The following TNPO2 variants were observed in gnomAD, a reference collection of about 807,000 sequenced individuals.
The protein encoded by TNPO2 is transportin-2.
Under a neutral mutation model 111.1 loss-of-function variants are expected in TNPO2, and 16 were observed. The ratio of observed to expected loss-of-function variants is 0.14; its 90% CI spans 0.10 to 0.22. The LOEUF is 0.22. Ranked by LOEUF, TNPO2 falls within the 10% of genes least tolerant of loss-of-function variation. The pLI is 1.00. For missense variants in TNPO2, 530 were observed against 1,173.7 expected (o/e 0.45, Z 8.01); for synonymous variants, 481 against 475.8 (o/e 1.01, Z -0.14).
chr19:12,723,012 G>A (rs1340593137), intron 2 of TNPO2, among the ~76,000 whole-genome samples: 1 of 152,178 alleles, frequency 6.6e-6, no homozygotes, highest in African/African-American at 2.4e-5. Context: ...GTGTGCGCAA[G>A]GAAAGAGCTG....
chr19:12,700,442 G>C lies in TNPO2; in HGVS notation c.*822C>G. On this transcript the variant is annotated 3_prime_UTR_variant, in exon 26 of 26. Coordinates refer to ENST00000425528, the MANE Select transcript of TNPO2 (RefSeq NM_001382241.1). Reference sequence around the variant, plus strand: ...AAGCCACTGGAGCACACAGGAAGGAGAAACGGTGACCTCTGGCCAGCCCCA... The same window carrying C: ...AAGCCACTGGAGCACACAGGAAGGACAAACGGTGACCTCTGGCCAGCCCCA... The C allele has an allele frequency of 6.6e-6, 1 of 152,430 alleles. No homozygotes were observed. The highest frequency in any genetic ancestry group is 2.4e-5 in the African/African-American group (1 of 41,562). The allele number at this position is 152,430 out of a possible 1,614,324, so 9.4% of individuals were successfully genotyped here. A position where few individuals can be genotyped will look rare whatever the true frequency, so the allele number is the denominator to read the frequency against.
chr19:12,710,846 T>C (rs1054007388), intron 12 of TNPO2, 73 bp from the exon 13 acceptor site: 7 of 1,377,662 alleles, frequency 5.1e-6, no homozygotes, highest in African/African-American at 1.5e-5. Flanking sequence ...TTGACTGCAC[T>C]CCCAGGATCA....
Position 12,702,208 on chromosome 19 carries a change from G to T in TNPO2, c.2306-31C>A. ...ACCCCGAGCGGCCCCGGGACGGTAC[G>T]TGGCGGGGCCTCTGGCACAAGGCAC... On this transcript the variant is annotated intron_variant, in intron 21 of 25. Transcript: ENST00000425528. The surrounding 1 kb of genome is among the most constrained non-coding windows in gnomAD (Gnocchi z 5.5). 6.3e-7 allele frequency: 1 copy of T among 1,586,250 alleles called. No individual in the cohort carries two copies. Among genetic ancestry groups the T allele is most frequent in the Non-Finnish European group, 8.6e-7 (1 of 1,161,192 alleles).
At chr19:12,720,340 A>G (rs1471846752) in intron 3 of TNPO2, among the ~76,000 whole-genome samples, 1 of 152,066 alleles carries the variant, frequency 6.6e-6, no homozygotes, top group Admixed American at 6.6e-5. Context: ...TCTTTGAGAC[A>G]GGGTCTGGCT....
At chr19:12,722,345 ACCGGCTTC>A in intron 2 of TNPO2, 1 of 150,002 alleles carries the variant, frequency 6.7e-6, no homozygotes, top group Non-Finnish European at 1.5e-5. Context: ...ATCGGGCCCA[ACCGGCTTC>A]CCGGCCTTTC....
Position 12,702,810 on chromosome 19 carries a change from GC to G in TNPO2, c.2305+12del. ...AGGCAGGGGTGCAGGCAGCAGCCGGGCCAGGTGCCCACCTGTGTTTTCCAGC... is the reference window on the plus strand; with the variant it reads ...AGGCAGGGGTGCAGGCAGCAGCCGGGCAGGTGCCCACCTGTGTTTTCCAGC... On this transcript the variant is annotated intron_variant, in intron 21 of 25. Transcript: ENST00000425528. This position sits in a 1 kb window ranked among gnomAD's most constrained non-coding sequence, Gnocchi z 5.5. The G allele has an allele frequency of 6.2e-7, 1 of 1,612,458 alleles. No individual in the cohort carries two copies. The highest frequency in any genetic ancestry group is 8.5e-7 in the Non-Finnish European group (1 of 1,178,578).
chr19:12,721,273 T>G lies in TNPO2; in HGVS notation c.-13-283A>C, dbSNP rs925193592. ...CCTCATGGGACCCAGCGAAGAGCCC[T>G]CGTCCCAGGGTGGCCCATGCCGCTG... On this transcript the variant is annotated intron_variant, in intron 2 of 25. Coordinates refer to ENST00000425528, the MANE Select transcript of TNPO2 (RefSeq NM_001382241.1). The surrounding 1 kb of genome is among the most constrained non-coding windows in gnomAD (Gnocchi z 4.9). 29 of 1,288,820 alleles carry G rather than the reference T, an allele frequency of 2.3e-5. No homozygotes were observed. The highest frequency in any genetic ancestry group is 2.8e-5 in the Non-Finnish European group (28 of 1,010,512). The allele number at this position is 1,288,820 out of a possible 1,614,324, so 79.8% of individuals were successfully genotyped here. A position where few individuals can be genotyped will look rare whatever the true frequency, so the allele number is the denominator to read the frequency against.
At position 12,706,614 on chromosome 19, in the gene TNPO2, T is replaced by C; in HGVS notation, c.1452A>G (p.Lys484=). 1.2e-6 allele frequency: 2 copies of C among 1,613,962 alleles called. No individual in the cohort carries two copies. The highest frequency in any genetic ancestry group is 1.7e-6 in the Non-Finnish European group (2 of 1,179,908). The change falls in exon 14 of 26, where the codon AAA becomes AAG. Residue 484 remains lysine (K), a synonymous_variant. Transcript: ENST00000425528. This position sits in a 1 kb window ranked among gnomAD's most constrained non-coding sequence, Gnocchi z 7.0. Reference sequence around the variant, plus strand: ...CCCTCTTGTTGCCATCCAGGATGCGTTTGAGCAGCTCTGTCATCAGGGGCT... The same window carrying C: ...CCCTCTTGTTGCCATCCAGGATGCGCTTGAGCAGCTCTGTCATCAGGGGCT... The part of the protein sequence containing the change: ...HLKPLMTELL[K]RILDGNKRVQ...
In TNPO2 at chr19:12,701,267, T is replaced by A. The variant is rs1291557171; in HGVS notation, c.*21-24A>T. 2.1e-5 allele frequency: 25 copies of A among 1,176,530 alleles called. No homozygotes were observed. The highest frequency in any genetic ancestry group is 1.2e-6 in the Non-Finnish European group (1 of 809,474). The allele number at this position is 1,176,530 out of a possible 1,614,324, so 72.9% of individuals were successfully genotyped here. ...ACCTGCAGGGGGAGGAGGAAGGTCA[T>A]GGCCTGGGACCTTTCGGCCCCCAAG... On this transcript the variant is annotated intron_variant, in intron 25 of 25. Transcript: ENST00000425528. The surrounding 1 kb of genome is among the most constrained non-coding windows in gnomAD (Gnocchi z 5.0).
chr19:12,701,716 C>CGCCCGCGCCTGCCCTCAGA lies in TNPO2; in HGVS notation c.2511+17_2511+35dup. The CGCCCGCGCCTGCCCTCAGA allele has an allele frequency of 1.2e-6, 2 of 1,612,844 alleles. No homozygotes were observed. Among genetic ancestry groups the CGCCCGCGCCTGCCCTCAGA allele is most frequent in the Non-Finnish European group, 1.7e-6 (2 of 1,179,054 alleles). On this transcript the variant is annotated intron_variant, in intron 23 of 25. Coordinates refer to ENST00000425528, the MANE Select transcript of TNPO2 (RefSeq NM_001382241.1). This position sits in a 1 kb window ranked among gnomAD's most constrained non-coding sequence, Gnocchi z 5.0. ...CAGGTGAGGGGCCGCCCGAGCCCAG[C>CGCCCGCGCCTGCCCTCAGA]GCCCGCGCCTGCCCTCAGAGCCCAG...
chr19:12,708,525 C>G (rs960531198), intron 13 of TNPO2, among the ~76,000 whole-genome samples: 1 of 151,576 alleles, frequency 6.6e-6, no homozygotes, highest in Non-Finnish European at 1.5e-5. Flanking sequence ...GACACAAGAT[C>G]TATGTTTACC....
chr19:12,721,303 C>T lies in TNPO2; in HGVS notation c.-13-313G>A, dbSNP rs936103621. The T allele has an allele frequency of 7.8e-7, 1 of 1,288,052 alleles. No homozygotes were observed. The highest frequency in any genetic ancestry group is 1.6e-5 in the African/African-American group (1 of 63,580). The allele number at this position is 1,288,052 out of a possible 1,614,324, so 79.8% of individuals were successfully genotyped here. On this transcript the variant is annotated intron_variant, in intron 2 of 25. Coordinates refer to ENST00000425528, the MANE Select transcript of TNPO2 (RefSeq NM_001382241.1). The surrounding 1 kb of genome is among the most constrained non-coding windows in gnomAD (Gnocchi z 4.9). Reference sequence around the variant, plus strand: ...CCAGGGTGGCCCATGCCGCTGACCCCGGCTCCGAGCCCGAAGGCTTCCACC... The same window carrying T: ...CCAGGGTGGCCCATGCCGCTGACCCTGGCTCCGAGCCCGAAGGCTTCCACC...
chr19:12,720,737 CCTT>C (rs1352853315), intron 3 of TNPO2, 139 bp downstream of exon 3: 1 of 1,023,970 alleles, frequency 9.8e-7, no homozygotes, highest in African/African-American at 1.7e-5. Flanking sequence ...GAATTGTAAT[CCTT>C]CTCTGTCCAG....
chr19:12,704,007 G>A (rs1003884241), intron 18 of TNPO2, among the ~76,000 whole-genome samples: 1 of 152,144 alleles, frequency 6.6e-6, no homozygotes, highest in East Asian at 1.9e-4. Flanking sequence ...GTGTCCGTGG[G>A]GGATTCTTTC....
Position 12,715,327 on chromosome 19 carries a change from G to T in TNPO2, c.567-3C>A. 1 of 1,613,814 alleles carries T rather than the reference G, an allele frequency of 6.2e-7. No homozygotes were observed. The highest frequency in any genetic ancestry group is 8.5e-7 in the Non-Finnish European group (1 of 1,179,832). On this transcript the variant is annotated splice_region_variant and splice_polypyrimidine_tract_variant and intron_variant, in intron 7 of 25. Coordinates refer to ENST00000425528, the MANE Select transcript of TNPO2 (RefSeq NM_001382241.1). This position sits in a 1 kb window ranked among gnomAD's most constrained non-coding sequence, Gnocchi z 7.1. ...TCACGCAGGCGATGGCGTGGGACCT[G>T]GCGGGGAGCAGACACGTGGGTCACC...
chr19:12,721,156 C>G lies in TNPO2; in HGVS notation c.-13-166G>C. The G allele has an allele frequency of 7.0e-7, 1 of 1,421,098 alleles. No homozygotes were observed. Among genetic ancestry groups the G allele is most frequent in the Non-Finnish European group, 9.1e-7 (1 of 1,094,456 alleles). 88.0% of individuals were successfully genotyped at this position (1,421,098 alleles called of 1,614,324 possible). On this transcript the variant is annotated intron_variant, in intron 2 of 25. Transcript: ENST00000425528. The surrounding 1 kb of genome is among the most constrained non-coding windows in gnomAD (Gnocchi z 4.9). ...CCAAGTGCGGGGTCCCCGCCAGCTGCGCCATCCTCGGCCGCGCAGTCGCGG... is the reference window on the plus strand; with the variant it reads ...CCAAGTGCGGGGTCCCCGCCAGCTGGGCCATCCTCGGCCGCGCAGTCGCGG...
Position 12,702,757 on chromosome 19 carries a change from C to T in TNPO2, c.2305+66G>A. 6.8e-7 allele frequency: 1 copy of T among 1,477,856 alleles called. No individual in the cohort carries two copies. The highest frequency in any genetic ancestry group is 9.4e-7 in the Non-Finnish European group (1 of 1,060,428). The allele number at this position is 1,477,856 out of a possible 1,614,324, so 91.5% of individuals were successfully genotyped here. A position where few individuals can be genotyped will look rare whatever the true frequency, so the allele number is the denominator to read the frequency against. ...GACAAGGCTCTTTCTGATGCCCTTC[C>T]CAGCCCAGAACCCCACCTCCAGAAG... On this transcript the variant is annotated intron_variant, in intron 21 of 25. Transcript: ENST00000425528. The surrounding 1 kb of genome is among the most constrained non-coding windows in gnomAD (Gnocchi z 5.5).
intron 3 of TNPO2, among the ~76,000 whole-genome samples, chr19:12,720,569 C>T (rs936081576): frequency 5.3e-5 from 8 of 152,220 alleles, no homozygotes; most frequent in African/African-American, 1.9e-4. Context: ...GATCTACCTG[C>T]TTCGGCCTAC....
rs183389597 is a variant in TNPO2, at chr19:12,701,003, G to A, written c.*261C>T. The A allele has an allele frequency of 5.7e-4, 160 of 278,376 alleles. No individual in the cohort carries two copies. Among genetic ancestry groups the A allele is most frequent in the Middle Eastern group, 3.6e-3 (3 of 844 alleles). The allele number at this position is 278,376 out of a possible 1,614,324, so 17.2% of individuals were successfully genotyped here. A position where few individuals can be genotyped will look rare whatever the true frequency, so the allele number is the denominator to read the frequency against. The stretch of plus-strand genomic sequence containing the variant: ...GGCTGCCAGAGATGACCCTATTAGA[G>A]CCCAGGGGCCCTTGCCCACCAGAAG... On this transcript the variant is annotated 3_prime_UTR_variant, in exon 26 of 26. Transcript: ENST00000425528. This position sits in a 1 kb window ranked among gnomAD's most constrained non-coding sequence, Gnocchi z 5.0.
Sources: allele counts gnomAD v4.1 joint callset (sites outside exome capture counted in the v4.1 genomes callset), GRCh38; gene constraint gnomAD v4.1.1; non-coding constraint Gnocchi (gnomAD v3.1); transcripts MANE v1.5; gene names NCBI Gene and HGNC (gene_info 2026-07-23, HGNC 2026-07-21).